Variants in TTC22 observed in about 807,000 individuals in gnomAD.
The protein encoded by TTC22 is tetratricopeptide repeat protein 22.
In TTC22, 42 loss-of-function variants were observed where a neutral mutation model predicts 48.2. That is an observed-to-expected ratio of 0.87 (90% CI 0.68 to 1.13). The LOEUF (loss-of-function observed/expected upper bound fraction) is 1.13, where lower values mean the gene tolerates loss of function less well. Among genes scored for constraint, TTC22 ranks in the 50% most tolerant of loss-of-function variants. TTC22 has a pLI of 0.00. For synonymous variants in TTC22, 345 were observed against 365.5 expected (o/e 0.94, Z 0.64); for missense variants, 784 against 807.0 (o/e 0.97, Z 0.34).
chr1:54,782,981 G>A (rs1160867174), intron 5 of TTC22, among the ~76,000 whole-genome samples: 5 of 152,208 alleles, frequency 3.3e-5, no homozygotes, highest in Admixed American at 3.3e-4. Context: ...TTTTGTGAGA[G>A]TCTATGTCAA....
chr1:54,800,222 A>T (rs1646422673), intron 1 of TTC22, among the ~76,000 whole-genome samples: 1 of 152,182 alleles, frequency 6.6e-6, no homozygotes, highest in South Asian at 2.1e-4. Context: ...GGGGGAGAGA[A>T]GAGGTGGGAA....
Position 54,785,615 on chromosome 1 carries a change from G to T in TTC22, c.1020+368C>A, listed in dbSNP as rs551312952. The stretch of plus-strand genomic sequence containing the variant: ...CTGCTTGAGCCCAGGAGTTTGAGAC[G>T]AGTCTGGGCAACATAGTGAGACCTC... On this transcript the variant is annotated intron_variant, in intron 5 of 6. Coordinates refer to ENST00000371276, the MANE Select transcript of TTC22 (RefSeq NM_001114108.2). 40 of 439,252 alleles carry T rather than the reference G, an allele frequency of 9.1e-5. 1 individual carries two copies. Among genetic ancestry groups the T allele is most frequent in the South Asian group, 6.5e-4 (40 of 61,578 alleles). The allele number at this position is 439,252 out of a possible 1,614,324, so 27.2% of individuals were successfully genotyped here. A position where few individuals can be genotyped will look rare whatever the true frequency, so the allele number is the denominator to read the frequency against.
Position 54,787,832 on chromosome 1 carries a change from G to A in TTC22, c.624-6C>T. On this transcript the variant is annotated splice_polypyrimidine_tract_variant and splice_region_variant and intron_variant, in intron 2 of 6. Coordinates refer to ENST00000371276, the MANE Select transcript of TTC22 (RefSeq NM_001114108.2). ...CCAGGAAGATGCCATCTAGCCTGTG[G>A]CCGAGAAGGAGATGTGGTTGGGTGG... The A allele has an allele frequency of 1.2e-6, 2 of 1,602,142 alleles. No homozygotes were observed. Among genetic ancestry groups the A allele is most frequent in the Non-Finnish European group, 8.5e-7 (1 of 1,173,336 alleles).
chr1:54,800,636 G>A lies in TTC22; in HGVS notation c.528C>T (p.Gly176=). The A allele has an allele frequency of 6.4e-7, 1 of 1,553,802 alleles. No individual in the cohort carries two copies. Among genetic ancestry groups the A allele is most frequent in the Non-Finnish European group, 8.6e-7 (1 of 1,161,612 alleles). ...PEERARGLAA[G]IALYDKALGY... ...CTAGCGCCTTGTCGTAGAGCGCGAT[G>A]CCTGCCGCCAGCCCCCGCGCACGCT... Residue 176 remains glycine (G), a synonymous_variant, in exon 1 of 7, where the codon GGC becomes GGT. Transcript: ENST00000371276.
At chr1:54,784,438 T>A in intron 5 of TTC22, 1 of 554,022 alleles carries the variant, frequency 1.8e-6, no homozygotes, top group Non-Finnish European at 2.3e-6. Flanking sequence ...ATGCAGTTCC[T>A]TGGGGAAGTT....
intron 5 of TTC22, chr1:54,784,828 T>C (rs990244428): frequency 5.4e-6 from 7 of 1,298,682 alleles, no homozygotes; most frequent in Non-Finnish European, 6.1e-6. Context: ...CTCAAGCACA[T>C]GGGCTCTGTG....
chr1:54,782,263 A>G (rs1314631593), intron 6 of TTC22, 62 bp downstream of exon 6: 3 of 1,449,356 alleles, frequency 2.1e-6, no homozygotes, highest in African/African-American at 1.4e-5. Flanking sequence ...CCCTTGGTCT[A>G]GCCTGGCAAG....
Position 54,788,094 on chromosome 1 carries a change from G to T in TTC22, c.571C>A (p.Pro191Thr). 1 of 1,614,002 alleles carries T rather than the reference G, an allele frequency of 6.2e-7. No homozygotes were observed. Among genetic ancestry groups the T allele is most frequent in the Non-Finnish European group, 8.5e-7 (1 of 1,179,936 alleles). ...DKALGYGQQI[P>T]MEEKRGWYFT... ...TACCAGCCCCTTTTCTCCTCCATCG[G>T]GATCTAGGGAAACAGAGAACAGCCC... Residue 191 changes from proline to threonine, a missense_variant, in exon 2 of 7, where the codon CCG (proline) becomes ACG (threonine). By Grantham distance (38) the Pro-to-Thr change is conservative. Transcript: ENST00000371276.
Position 54,787,068 on chromosome 1 carries a change from G to A in TTC22, c.747C>T (p.Ala249=). The change falls in exon 4 of 7, where the codon GCC becomes GCT. Residue 249 remains alanine (A), a synonymous_variant. Coordinates refer to ENST00000371276, the MANE Select transcript of TTC22 (RefSeq NM_001114108.2). ...CCAGCAGCATCCCGAGGTAGCACCA[G>A]GCCAGGGCTGGGGGTGAAGGGTGGG... ...KSEDPRHRAL[A]WCYLGMLLER... The A allele has an allele frequency of 6.6e-7, 1 of 1,515,180 alleles. No homozygotes were observed. The highest frequency in any genetic ancestry group is 8.9e-7 in the Non-Finnish European group (1 of 1,126,872). 93.9% of individuals were successfully genotyped at this position (1,515,180 alleles called of 1,614,324 possible).
intron 1 of TTC22, chr1:54,794,934 C>G (rs1646378321): frequency 6.6e-6 from 1 of 152,300 alleles, no homozygotes; most frequent in South Asian, 2.1e-4. Flanking sequence ...CCTTCCTGCA[C>G]AACTGGAATG....
intron 1 of TTC22, among the ~76,000 whole-genome samples, chr1:54,790,642 C>T (rs977425385): frequency 6.6e-6 from 1 of 152,134 alleles, no homozygotes. Flanking sequence ...TACACTGGAC[C>T]TGGGAAGGAA....
chr1:54,798,718 T>G (rs1147985), intron 1 of TTC22, among the ~76,000 whole-genome samples: 1 of 152,042 alleles, frequency 6.6e-6, no homozygotes, highest in African/African-American at 2.4e-5. Context: ...GCCTGGCACA[T>G]AGTAGGTGTT....
intron 5 of TTC22, among the ~76,000 whole-genome samples, 162 bp from the exon 6 acceptor site, chr1:54,782,639 C>T (rs756062794): frequency 1.2e-4 from 18 of 152,188 alleles, no homozygotes; most frequent in Non-Finnish European, 2.5e-4. Flanking sequence ...TAGGTCCTAG[C>T]CTTGGACCAA....
intron 1 of TTC22, among the ~76,000 whole-genome samples, chr1:54,797,858 T>A (rs903251773): frequency 3.9e-5 from 6 of 152,158 alleles, no homozygotes; most frequent in Non-Finnish European, 8.8e-5. Context: ...TCCTTTGAGG[T>A]CCAGAGGCTC....
In TTC22 at chr1:54,780,018, C is replaced by A. The variant is rs897399832; in HGVS notation, c.*1225G>T. 2.0e-5 allele frequency: 3 copies of A among 152,244 alleles called. No homozygotes were observed. Among genetic ancestry groups the A allele is most frequent in the African/African-American group, 4.8e-5 (2 of 41,434 alleles). 9.4% of individuals were successfully genotyped at this position (152,244 alleles called of 1,614,324 possible). A position where few individuals can be genotyped will look rare whatever the true frequency, so the allele number is the denominator to read the frequency against. On this transcript the variant is annotated 3_prime_UTR_variant, in exon 7 of 7. Coordinates refer to ENST00000371276, the MANE Select transcript of TTC22 (RefSeq NM_001114108.2). ...CCTGGAATTCCAGCTACTCAGGAGG[C>A]TGAGGTACGAGAATCACTTGAACTT...
At chr1:54,784,723 G>T (rs1646287197) in intron 5 of TTC22, 1 of 1,236,502 alleles carries the variant, frequency 8.1e-7, no homozygotes, top group Non-Finnish European at 1.0e-6. Context: ...GAGTAGATTT[G>T]CCACTAGGTC....
rs1471133026 is a variant in TTC22, at chr1:54,800,761, C to T, written c.403G>A (p.Glu135Lys). ...TGGGGGTCCCCGGCGGCCTCGGGCT[C>T]CTCTGCCAGGCCCATGAGGTCGGCC... The part of the protein sequence containing the change: ...RLADLMGLAE[E>K]PEAAGDPQLR... Residue 135 changes from glutamate to lysine, a missense_variant, in exon 1 of 7, where the codon GAG (glutamate) becomes AAG (lysine). Glu to Lys is a moderately conservative substitution (Grantham distance 56). Transcript: ENST00000371276. The T allele has an allele frequency of 1.3e-6, 2 of 1,551,510 alleles. No individual in the cohort carries two copies. The highest frequency in any genetic ancestry group is 1.9e-5 in the Admixed American group (1 of 51,812).
In TTC22 at chr1:54,801,215, G is replaced by A. The variant is rs375121671; in HGVS notation, c.-52C>T. 8.0e-5 allele frequency: 126 copies of A among 1,565,246 alleles called. 2 individuals carry two copies. The African/African-American group carries it at 1.5e-3, about 19-fold the overall frequency. On this transcript the variant is annotated 5_prime_UTR_variant, in exon 1 of 7. Transcript: ENST00000371276. ...CACCCTTGTCCCTGAGGCTGTGGAGGGCAGTGGATGGGGGCGTTCCCCGAG... is the reference window on the plus strand; with the variant it reads ...CACCCTTGTCCCTGAGGCTGTGGAGAGCAGTGGATGGGGGCGTTCCCCGAG...
chr1:54,788,028 C>T lies in TTC22; in HGVS notation c.623+14G>A, dbSNP rs754391233. On this transcript the variant is annotated intron_variant, in intron 2 of 6. Transcript: ENST00000371276. ...CCTCTTCCATCCCGTACCCCCACCA[C>T]CCTCTTGCCTGACCTGATGTAGAGT... 6.2e-7 allele frequency: 1 copy of T among 1,613,422 alleles called. No individual in the cohort carries two copies. The highest frequency in any genetic ancestry group is 1.7e-5 in the Admixed American group (1 of 60,002).
Sources: allele counts gnomAD v4.1 joint callset (sites outside exome capture counted in the v4.1 genomes callset), GRCh38; gene constraint gnomAD v4.1.1; transcripts MANE v1.5; gene names NCBI Gene and HGNC (gene_info 2026-07-23, HGNC 2026-07-21).